Variants in TASP1 observed in about 807,000 individuals in gnomAD.
TASP1 encodes threonine aspartase 1.
In TASP1, 16 loss-of-function variants were observed where a neutral mutation model predicts 56.6. That is an observed-to-expected ratio of 0.28 (90% CI 0.19 to 0.43). The LOEUF is 0.43. TASP1 is among the 20% of genes least tolerant of loss of function. TASP1 has a pLI of 1.00. For missense variants in TASP1, 393 were observed against 511.6 expected, an observed-to-expected ratio of 0.77 and a Z score of 2.24; for synonymous variants, 179 against 184.2, an observed-to-expected ratio of 0.97 and a Z score of 0.23.
the TASP1 span, among the ~76,000 whole-genome samples, chr20:13,308,930 T>C: frequency 6.6e-6 from 1 of 152,060 alleles, no homozygotes; most frequent in East Asian, 1.9e-4. Context: ...CAGCAGTCTA[T>C]AAACCAGAAG....
At chr20:13,166,508 C>A in the TASP1 span, 3 of 152,150 alleles carry the variant, frequency 2.0e-5, no homozygotes, top group Non-Finnish European at 4.4e-5. Context: ...AGTTTCCCAT[C>A]CAATGATTTT....
At chr20:13,523,135 A>C (rs2044830572) in intron 10 of TASP1, among the ~76,000 whole-genome samples, 1 of 152,172 alleles carries the variant, frequency 6.6e-6, no homozygotes, top group African/African-American at 2.4e-5. Flanking sequence ...TGAGTATAGA[A>C]AATTCCTTGA....
the TASP1 span, among the ~76,000 whole-genome samples, chr20:13,185,065 T>A: frequency 2.0e-5 from 3 of 151,744 alleles, no homozygotes; most frequent in Non-Finnish European, 4.4e-5. Flanking sequence ...ATCAGTACTA[T>A]CAAAAAGAAC....
At chr20:13,308,514 T>G in the TASP1 span, among the ~76,000 whole-genome samples, 1 of 152,150 alleles carries the variant, frequency 6.6e-6, no homozygotes, top group Admixed American at 6.5e-5. Context: ...GCTGGATGCA[T>G]CAGTTTCACT....
At chr20:13,297,777 T>C in the TASP1 span, among the ~76,000 whole-genome samples, 1 of 152,240 alleles carries the variant, frequency 6.6e-6, no homozygotes, top group African/African-American at 2.4e-5. Context: ...AATTCTTAAA[T>C]ATAGGCAACT....
intron 8 of TASP1, among the ~76,000 whole-genome samples, chr20:13,542,364 A>G (rs2146953838): frequency 6.6e-6 from 1 of 152,340 alleles, no homozygotes; most frequent in South Asian, 2.1e-4. Context: ...ATGTATTTTT[A>G]AAAGCCTCAA....
At chr20:13,616,710 G>C (rs6042252) in intron 4 of TASP1, 4,329 of 157,584 alleles carry the variant, frequency 0.027, 215 homozygotes, top group African/African-American at 0.096. Flanking sequence ...TTGTGCTAGA[G>C]AGCATGTGTC....
At chr20:13,466,904 T>C (rs911285703) in intron 11 of TASP1, among the ~76,000 whole-genome samples, 3 of 152,126 alleles carry the variant, frequency 2.0e-5, no homozygotes, top group African/African-American at 4.8e-5. Context: ...CCTAATCTCA[T>C]TGTATCAATG....
chr20:13,531,710 C>G (rs2045226931), intron 9 of TASP1, among the ~76,000 whole-genome samples: 2 of 152,050 alleles, frequency 1.3e-5, no homozygotes, highest in South Asian at 4.2e-4. Flanking sequence ...CTCACCCACG[C>G]TGGAGTGCAG....
At chr20:13,308,687 T>A in the TASP1 span, among the ~76,000 whole-genome samples, 1 of 152,146 alleles carries the variant, frequency 6.6e-6, no homozygotes, top group Non-Finnish European at 1.5e-5. Flanking sequence ...CTATACTGTC[T>A]GAAAAAGAAA....
At chr20:13,470,859 CA>C (rs558241934) in intron 11 of TASP1, among the ~76,000 whole-genome samples, 69 of 152,302 alleles carry the variant, frequency 4.5e-4, no homozygotes, top group Admixed American at 1.7e-3. Flanking sequence ...TGCCTAACCC[CA>C]AAAGCTTTTT....
chr20:13,396,043 T>C (rs1018403055), intron 13 of TASP1, among the ~76,000 whole-genome samples: 17 of 152,150 alleles, frequency 1.1e-4, no homozygotes, highest in Non-Finnish European at 1.5e-5. Flanking sequence ...ACACCTTAAA[T>C]GACTAAGTCC....
At chr20:13,582,121 TA>T (rs2047148558) in intron 5 of TASP1, among the ~76,000 whole-genome samples, 1 of 95,496 alleles carries the variant, frequency 1.0e-5, no homozygotes, top group Non-Finnish European at 2.1e-5. Context: ...AAGTATGAAA[TA>T]CAAAAAAAAA....
At chr20:13,373,712 T>C in the TASP1 span, among the ~76,000 whole-genome samples, 2 of 152,142 alleles carry the variant, frequency 1.3e-5, no homozygotes, top group African/African-American at 4.8e-5. Context: ...ATTTTTTCTA[T>C]GATATGTTAA....
At chr20:13,490,249 A>T (rs1170535081) in intron 10 of TASP1, among the ~76,000 whole-genome samples, 1 of 89,624 alleles carries the variant, frequency 1.1e-5, no homozygotes, top group Non-Finnish European at 2.7e-5. Flanking sequence ...TCATTTGAAT[A>T]AAAAAAAAAT....
intron 11 of TASP1, among the ~76,000 whole-genome samples, chr20:13,453,367 C>T (rs545394411): frequency 1.3e-5 from 2 of 152,206 alleles, no homozygotes; most frequent in South Asian, 4.2e-4. Flanking sequence ...GTATTGTCTT[C>T]AGGATCTACT....
chr20:13,335,540 G>A, the TASP1 span, among the ~76,000 whole-genome samples: 3 of 151,818 alleles, frequency 2.0e-5, no homozygotes, highest in Non-Finnish European at 2.9e-5. Flanking sequence ...TACCACCAGC[G>A]ATCTGCAGAG....
intron 13 of TASP1, chr20:13,393,342 C>T (rs1456277101): frequency 2.6e-6 from 2 of 755,010 alleles, no homozygotes; most frequent in East Asian, 5.4e-5. Flanking sequence ...CATCCCCGAG[C>T]TGAACAGGAA....
At chr20:13,584,192 A>C (rs1226050659) in intron 5 of TASP1, among the ~76,000 whole-genome samples, 1 of 152,238 alleles carries the variant, frequency 6.6e-6, no homozygotes, top group Non-Finnish European at 1.5e-5. Flanking sequence ...ATGTAGGAAC[A>C]ATTTGAAGTC....
Sources: allele counts gnomAD v4.1 joint callset (sites outside exome capture counted in the v4.1 genomes callset), GRCh38; gene constraint gnomAD v4.1.1; transcripts MANE v1.5; gene names NCBI Gene and HGNC (gene_info 2026-07-23, HGNC 2026-07-21).